Variants in SKAP1 observed in about 807,000 individuals in gnomAD.
SKAP1 encodes the protein src kinase-associated phosphoprotein 1.
SKAP1 carries 44 observed loss-of-function variants against 58.5 expected under a neutral mutation model. The observed-to-expected ratio is 0.75, with a 90% CI of 0.59 to 0.97. The LOEUF is 0.97. SKAP1 is among the 50% of genes least tolerant of loss of function. SKAP1 has a pLI of 0.00. For missense variants in SKAP1, 390 were observed against 435.2 expected, an observed-to-expected ratio of 0.90 and a Z score of 0.92; for synonymous variants, 127 against 149.7, an observed-to-expected ratio of 0.85 and a Z score of 1.11.
intron 8 of SKAP1, among the ~76,000 whole-genome samples, chr17:48,181,584 TA>T (rs2143461688): frequency 6.6e-6 from 1 of 152,330 alleles, no homozygotes; most frequent in South Asian, 2.1e-4. Context: ...TAAAATCTTA[TA>T]GCAGAATAAA....
intron 4 of SKAP1, among the ~76,000 whole-genome samples, chr17:48,201,404 C>T (rs2064726669): frequency 6.6e-6 from 1 of 151,322 alleles, no homozygotes; most frequent in Non-Finnish European, 1.5e-5. Flanking sequence ...TTTTTTGAGA[C>T]AGGGTCTTGC....
At chr17:48,215,661 T>A (rs1008221724) in intron 4 of SKAP1, among the ~76,000 whole-genome samples, 5 of 143,208 alleles carry the variant, frequency 3.5e-5, no homozygotes, top group African/African-American at 8.8e-5. Flanking sequence ...TAACAGAAAT[T>A]TTTTTTTTTC....
intron 3 of SKAP1, among the ~76,000 whole-genome samples, chr17:48,354,974 A>C (rs2066856129): frequency 6.6e-6 from 1 of 152,240 alleles, no homozygotes; most frequent in African/African-American, 2.4e-5. Flanking sequence ...ACTAATTCTT[A>C]TGTAAAAATT....
rs193266432 is a variant in SKAP1 at position 48,200,153 on chromosome 17, T to C, written c.281-10653A>G. 4.6e-4 allele frequency among the ~76,000 whole-genome samples: 70 copies of C among 151,708 alleles called. 1 individual carries two copies. The East Asian group carries it at 0.014, about 29-fold the overall frequency. On this transcript the variant is annotated intron_variant, in intron 4 of 12. Coordinates refer to ENST00000336915, the MANE Select transcript of SKAP1 (RefSeq NM_003726.4). Reference sequence around the variant, plus strand: ...AAAAAAAAGTACAAAAATAATTAGCTGGGTGTGGTGGCGCACACCTGTAAT... The same window carrying C: ...AAAAAAAAGTACAAAAATAATTAGCCGGGTGTGGTGGCGCACACCTGTAAT...
chr17:48,198,174 G>C (rs1232884081), intron 4 of SKAP1, among the ~76,000 whole-genome samples: 2 of 152,106 alleles, frequency 1.3e-5, no homozygotes, highest in Non-Finnish European at 2.9e-5. Flanking sequence ...AATGGGTTTT[G>C]GCCGGGCGCG....
intron 11 of SKAP1, among the ~76,000 whole-genome samples, chr17:48,145,425 A>G (rs1023456331): frequency 6.6e-6 from 1 of 151,304 alleles, no homozygotes; most frequent in Non-Finnish European, 1.5e-5. Flanking sequence ...CAAGGAAAAA[A>G]AAAAACCCTA....
chr17:48,388,436 GAAACAAAC>G (rs550000856), intron 2 of SKAP1, among the ~76,000 whole-genome samples: 1 of 151,756 alleles, frequency 6.6e-6, no homozygotes, highest in South Asian at 2.1e-4. Context: ...TCTGTCTCAG[GAAACAAAC>G]AAACAAACAA....
At chr17:48,280,679 T>C (rs1567851002) in intron 4 of SKAP1, among the ~76,000 whole-genome samples, 1 of 152,244 alleles carries the variant, frequency 6.6e-6, no homozygotes, top group African/African-American at 2.4e-5. Context: ...CAATCCACTC[T>C]TTCTATCACT....
intron 1 of SKAP1, among the ~76,000 whole-genome samples, chr17:48,419,326 C>G (rs1176731881): frequency 6.6e-6 from 1 of 151,852 alleles, no homozygotes; most frequent in Non-Finnish European, 1.5e-5. Flanking sequence ...CTCTGCCACC[C>G]CAGGCTGGAG....
intron 4 of SKAP1, among the ~76,000 whole-genome samples, chr17:48,202,575 T>C (rs1354017400): frequency 6.6e-6 from 1 of 152,192 alleles, no homozygotes; most frequent in Non-Finnish European, 1.5e-5. Context: ...TCTGGATTTT[T>C]CTGTTTCATC....
chr17:48,309,803 T>C (rs2066199531), intron 4 of SKAP1, among the ~76,000 whole-genome samples: 1 of 152,206 alleles, frequency 6.6e-6, no homozygotes, highest in Admixed American at 6.5e-5. Context: ...AGTAGACAAA[T>C]GCTAGTTCTA....
At chr17:48,328,738 T>C (rs1424808260) in intron 4 of SKAP1, among the ~76,000 whole-genome samples, 1 of 152,194 alleles carries the variant, frequency 6.6e-6, no homozygotes, top group African/African-American at 2.4e-5. Flanking sequence ...TCTCTGGGCT[T>C]CTCACATAAA....
chr17:48,386,373 A>C (rs2067277041), intron 2 of SKAP1, among the ~76,000 whole-genome samples: 1 of 150,672 alleles, frequency 6.6e-6, no homozygotes, highest in South Asian at 2.1e-4. Context: ...GATCTCCAGA[A>C]ATATGTATTC....
rs140444723 is a variant in SKAP1, at chr17:48,403,824, C to T, written c.47-7039G>A. Among the ~76,000 whole-genome samples, 13 of 152,246 alleles carry T rather than the reference C, an allele frequency of 8.5e-5. No individual in the cohort carries two copies. The East Asian group carries it at 2.5e-3, about 29-fold the overall frequency. Reference sequence around the variant, plus strand: ...GATCACAGCCGGGCACAGTGGGTAACGCCTGTAATCCCAGCACTTTGGGAG... The same window carrying T: ...GATCACAGCCGGGCACAGTGGGTAATGCCTGTAATCCCAGCACTTTGGGAG... On this transcript the variant is annotated intron_variant, in intron 1 of 12. Transcript: ENST00000336915.
intron 10 of SKAP1, among the ~76,000 whole-genome samples, chr17:48,165,246 C>T (rs2064121684): frequency 2.0e-5 from 3 of 152,252 alleles, no homozygotes; most frequent in Admixed American, 2.0e-4. Context: ...TGGAGGAGGG[C>T]TTCATTCCTG....
chr17:48,405,130 T>C (rs952484982), intron 1 of SKAP1, among the ~76,000 whole-genome samples: 1 of 152,126 alleles, frequency 6.6e-6, no homozygotes, highest in Non-Finnish European at 1.5e-5. Context: ...CTTGGATAGA[T>C]GAAGTAGACA....
At chr17:48,323,207 TAA>T (rs5820695) in intron 4 of SKAP1, among the ~76,000 whole-genome samples, 8 of 139,436 alleles carry the variant, frequency 5.7e-5, no homozygotes, top group East Asian at 2.1e-4. Flanking sequence ...CAGACAACAG[TAA>T]AAAAAAAAAA....
chr17:48,145,051 A>T (rs1359930217), intron 11 of SKAP1, among the ~76,000 whole-genome samples: 1 of 151,938 alleles, frequency 6.6e-6, no homozygotes, highest in African/African-American at 2.4e-5. Context: ...AAAGTTATTA[A>T]AAAAAAACCC....
chr17:48,271,191 T>G (rs2065627710), intron 4 of SKAP1, among the ~76,000 whole-genome samples: 1 of 152,128 alleles, frequency 6.6e-6, no homozygotes, highest in African/African-American at 2.4e-5. Context: ...TACATACACT[T>G]TTTTAGGCTG....
Sources: gnomAD v4.1 joint callset for allele counts (sites outside exome capture counted in the v4.1 genomes callset) on GRCh38, gnomAD v4.1.1 for gene constraint, MANE v1.5 for transcripts, NCBI Gene and HGNC (gene_info 2026-07-23, HGNC 2026-07-21) for gene names.